Variants in FTO observed in about 807,000 individuals in gnomAD.
FTO encodes alpha-ketoglutarate-dependent dioxygenase FTO.
A neutral mutation model predicts 63.9 loss-of-function variants in FTO; 47 were observed. That is an observed-to-expected ratio of 0.74 (90% CI 0.58 to 0.94). FTO has a LOEUF of 0.94. Among genes scored for constraint, FTO ranks in the 40% least tolerant of loss-of-function variants. FTO has a pLI of 0.00. For synonymous variants in FTO, 207 were observed against 224.4 expected, an observed-to-expected ratio of 0.92 and a Z score of 0.69; for missense variants, 562 against 618.1, an observed-to-expected ratio of 0.91 and a Z score of 0.96.
chr16:54,080,045 C>G lies in FTO; in HGVS notation c.1365-31717C>G, dbSNP rs181367433. On this transcript the variant is annotated intron_variant, in intron 8 of 8. Transcript: ENST00000471389. Reference sequence around the variant, plus strand: ...TTGAATCTGTTGGTCGCTCTCCATACCAGTCATAAGATAGTTTTCATGCTT... The same window carrying G: ...TTGAATCTGTTGGTCGCTCTCCATAGCAGTCATAAGATAGTTTTCATGCTT... 6.4e-4 allele frequency among the ~76,000 whole-genome samples: 97 copies of G among 152,224 alleles called. 1 individual carries two copies. The highest frequency in any genetic ancestry group is 2.2e-3 in the African/African-American group (91 of 41,532).
intron 8 of FTO, among the ~76,000 whole-genome samples, chr16:54,082,193 G>A (rs1156870205): frequency 6.6e-6 from 1 of 152,152 alleles, no homozygotes; most frequent in African/African-American, 2.4e-5. Context: ...CTGTTGAAAT[G>A]AGGGTGGTGT....
chr16:53,911,768 T>C (rs2081714701), intron 7 of FTO, among the ~76,000 whole-genome samples: 1 of 152,254 alleles, frequency 6.6e-6, no homozygotes, highest in Non-Finnish European at 1.5e-5. Context: ...AAAACCTTTG[T>C]TGTATTAAAT....
At chr16:53,879,713 A>AAAAT in intron 5 of FTO, 131 bp from the exon 6 acceptor site, 1 of 645,986 alleles carries the variant, frequency 1.5e-6, no homozygotes, top group Non-Finnish European at 2.6e-6. Flanking sequence ...AAAAAAAAAA[A>AAAAT]GGAGTATAGA....
chr16:54,112,793 A>T lies in FTO; in HGVS notation c.*878A>T, dbSNP rs1413346860. ...TCTTGAAAGAGACACAGCCCCATTT[A>T]CATTATTTCGTGGATTTCACCAGCA... On this transcript the variant is annotated 3_prime_UTR_variant, in exon 9 of 9. Transcript: ENST00000471389. 1.3e-5 allele frequency: 2 copies of T among 152,176 alleles called. No homozygotes were observed. The highest frequency in any genetic ancestry group is 2.9e-5 in the Non-Finnish European group (2 of 68,028). The allele number at this position is 152,176 out of a possible 1,614,324, so 9.4% of individuals were successfully genotyped here. A position where few individuals can be genotyped will look rare whatever the true frequency, so the allele number is the denominator to read the frequency against.
At chr16:54,022,020 A>G (rs755384831) in intron 8 of FTO, among the ~76,000 whole-genome samples, 1 of 152,232 alleles carries the variant, frequency 6.6e-6, no homozygotes, top group Non-Finnish European at 1.5e-5. Flanking sequence ...AAAATTTTAC[A>G]GCAGATGTTT....
intron 7 of FTO, among the ~76,000 whole-genome samples, chr16:53,902,886 C>T (rs902197445): frequency 1.3e-5 from 2 of 152,096 alleles, no homozygotes; most frequent in Admixed American, 6.6e-5. Flanking sequence ...GACTGAGGGG[C>T]GAGGATCACT....
At chr16:53,768,054 G>T (rs2077252428) in intron 1 of FTO, among the ~76,000 whole-genome samples, 1 of 152,118 alleles carries the variant, frequency 6.6e-6, no homozygotes. Flanking sequence ...GTTGTTAACT[G>T]CAAACTCCTT....
At chr16:53,931,463 C>T (rs779486341) in intron 7 of FTO, among the ~76,000 whole-genome samples, 1 of 151,972 alleles carries the variant, frequency 6.6e-6, no homozygotes, top group Non-Finnish European at 1.5e-5. Flanking sequence ...CCTGCCACCA[C>T]ACCCAGCTAA....
chr16:53,748,360 G>A (rs2076696303), intron 1 of FTO, among the ~76,000 whole-genome samples: 2 of 152,074 alleles, frequency 1.3e-5, no homozygotes, highest in Non-Finnish European at 2.9e-5. Flanking sequence ...ATTGTTTTCA[G>A]TGTATAGGTC....
intron 1 of FTO, among the ~76,000 whole-genome samples, chr16:53,724,304 C>T (rs1007060813): frequency 1.3e-5 from 2 of 152,190 alleles, no homozygotes; most frequent in African/African-American, 2.4e-5. Flanking sequence ...TATCTCCTTT[C>T]CCCAGGGTCA....
intron 8 of FTO, among the ~76,000 whole-genome samples, chr16:54,084,885 TC>T (rs1599340984): frequency 6.6e-6 from 1 of 152,188 alleles, no homozygotes; most frequent in East Asian, 1.9e-4. Context: ...CTGTACCCAT[TC>T]CTGATGAAGG....
intron 8 of FTO, among the ~76,000 whole-genome samples, chr16:54,107,820 G>A (rs556306232): frequency 2.0e-5 from 3 of 152,328 alleles, no homozygotes; most frequent in Non-Finnish European, 4.4e-5. Flanking sequence ...GCAAAATGTT[G>A]ATGGCAGTTC....
At chr16:54,102,488 A>C (rs2144599757) in intron 8 of FTO, among the ~76,000 whole-genome samples, 1 of 152,304 alleles carries the variant, frequency 6.6e-6, no homozygotes, top group Admixed American at 6.5e-5. Context: ...AGAAAGGAGG[A>C]TCACTTGAGT....
intron 6 of FTO, among the ~76,000 whole-genome samples, chr16:53,881,451 C>T (rs2080833418): frequency 6.6e-6 from 1 of 152,148 alleles, no homozygotes; most frequent in Admixed American, 6.5e-5. Context: ...TGTAAACATC[C>T]TTGCAATGAG....
intron 1 of FTO, among the ~76,000 whole-genome samples, chr16:53,776,792 T>C (rs2077471049): frequency 6.6e-6 from 1 of 152,190 alleles, no homozygotes; most frequent in African/African-American, 2.4e-5. Flanking sequence ...TATGTTGTTT[T>C]GGTTGAAGTA....
chr16:53,802,604 AT>A (rs564828191), intron 1 of FTO, among the ~76,000 whole-genome samples: 61 of 152,266 alleles, frequency 4.0e-4, no homozygotes, highest in South Asian at 1.4e-3. Flanking sequence ...TTTTCATCAA[AT>A]TTGGAAAATA....
chr16:54,062,999 CGGG>C (rs1374267348), intron 8 of FTO, among the ~76,000 whole-genome samples: 1 of 152,080 alleles, frequency 6.6e-6, no homozygotes, highest in Admixed American at 6.5e-5. Context: ...GAGGGGTGTG[CGGG>C]GAGGTTAACT....
At chr16:53,933,806 A>G (rs1469091165) in intron 7 of FTO, among the ~76,000 whole-genome samples, 179 bp from the exon 8 acceptor site, 1 of 152,376 alleles carries the variant, frequency 6.6e-6, no homozygotes, top group South Asian at 2.1e-4. Flanking sequence ...TGTGCCATGT[A>G]CATTGATTAA....
At chr16:54,085,006 A>G (rs1238545376) in intron 8 of FTO, among the ~76,000 whole-genome samples, 1 of 152,084 alleles carries the variant, frequency 6.6e-6, no homozygotes, top group African/African-American at 2.4e-5. Context: ...CAAAGGTCCA[A>G]GGTAATGTAT....
Sources: allele counts gnomAD v4.1 joint callset (sites outside exome capture counted in the v4.1 genomes callset), GRCh38; gene constraint gnomAD v4.1.1; transcripts MANE v1.5; gene names NCBI Gene and HGNC (gene_info 2026-07-23, HGNC 2026-07-21).